Variants in SLC35F4 observed in about 807,000 individuals in gnomAD.
The protein encoded by SLC35F4 is chromosome 14 open reading frame 36.
A neutral mutation model predicts 44.2 loss-of-function variants in SLC35F4; 24 were observed. The ratio of observed to expected loss-of-function variants is 0.54; its 90% CI spans 0.39 to 0.76. The LOEUF (loss-of-function observed/expected upper bound fraction) is 0.76, where lower values mean the gene tolerates loss of function less well. Ranked by LOEUF, SLC35F4 falls within the 30% of genes least tolerant of loss-of-function variation. SLC35F4 has a pLI of 0.00. For missense variants in SLC35F4, 562 were observed against 586.1 expected (o/e 0.96, Z 0.42); for synonymous variants, 238 against 223.6 (o/e 1.06, Z -0.57).
intron 4 of SLC35F4, among the ~76,000 whole-genome samples, chr14:57,574,551 G>A (rs73303811): frequency 2.0e-5 from 3 of 152,108 alleles, no homozygotes; most frequent in African/African-American, 4.8e-5. Context: ...GGCAGGGTGC[G>A]GGTGGAGGGT....
intron 1 of SLC35F4, among the ~76,000 whole-genome samples, chr14:57,830,448 C>T (rs1290027006): frequency 6.6e-6 from 1 of 152,150 alleles, no homozygotes; most frequent in Non-Finnish European, 1.5e-5. Context: ...CTAAGAGTAA[C>T]TTAGAATATG....
chr14:57,575,393 A>C (rs1404769677), intron 4 of SLC35F4, among the ~76,000 whole-genome samples: 1 of 152,184 alleles, frequency 6.6e-6, no homozygotes, highest in African/African-American at 2.4e-5. Flanking sequence ...AGGCAGGAGA[A>C]TCTCTTGAAT....
chr14:57,708,334 C>A (rs1309129720), intron 1 of SLC35F4, among the ~76,000 whole-genome samples: 1 of 152,202 alleles, frequency 6.6e-6, no homozygotes, highest in African/African-American at 2.4e-5. Flanking sequence ...ACCAAATTAT[C>A]TTTAAAAACT....
intron 1 of SLC35F4, among the ~76,000 whole-genome samples, chr14:57,741,484 G>T (rs2076606587): frequency 6.6e-6 from 1 of 152,120 alleles, no homozygotes. Context: ...GGAAGAAAGG[G>T]TATCAGTGAT....
intron 1 of SLC35F4, among the ~76,000 whole-genome samples, chr14:57,612,446 G>A (rs531062585): frequency 3.2e-4 from 48 of 152,298 alleles, no homozygotes; most frequent in African/African-American, 1.1e-3. Flanking sequence ...TCAAGTCTCA[G>A]TTCAAGTGTC....
At chr14:57,811,927 A>G (rs1882013856) in intron 1 of SLC35F4, among the ~76,000 whole-genome samples, 1 of 152,188 alleles carries the variant, frequency 6.6e-6, no homozygotes, top group East Asian at 1.9e-4. Flanking sequence ...GGCTGCAGTG[A>G]GTTATGATCA....
At chr14:57,721,804 A>C (rs922008537) in intron 1 of SLC35F4, among the ~76,000 whole-genome samples, 1 of 152,128 alleles carries the variant, frequency 6.6e-6, no homozygotes, top group Non-Finnish European at 1.5e-5. Context: ...TAGTGGCAAC[A>C]TTGCCTCCCC....
intron 1 of SLC35F4, among the ~76,000 whole-genome samples, chr14:57,897,552 T>G (rs1888898689): frequency 1.3e-5 from 2 of 151,926 alleles, no homozygotes. Flanking sequence ...CACCCCAATG[T>G]GTGGCTCACA....
chr14:57,630,499 A>G lies in SLC35F4; in HGVS notation c.104-36375T>C, dbSNP rs987838978. 8.6e-6 allele frequency: 9 copies of G among 1,051,570 alleles called. No homozygotes were observed. In the African/African-American group the frequency reaches 1.0e-4, roughly 12 times the overall value. 65.1% of individuals were successfully genotyped at this position (1,051,570 alleles called of 1,614,324 possible). On this transcript the variant is annotated intron_variant, in intron 1 of 7. Transcript: ENST00000556826. Reference sequence around the variant, plus strand: ...AGGCTGAATCACATTCTAGGTCTGCATCTCACACCAAAACTAGAGGCACCT... The same window carrying G: ...AGGCTGAATCACATTCTAGGTCTGCGTCTCACACCAAAACTAGAGGCACCT...
chr14:57,594,179 GATTTT>G (rs1320798760), intron 1 of SLC35F4, 55 bp from the exon 2 acceptor site: 22 of 1,475,268 alleles, frequency 1.5e-5, no homozygotes, highest in African/African-American at 2.8e-5. Context: ...ATTGGAAGTA[GATTTT>G]ATTATTTATT....
intron 1 of SLC35F4, among the ~76,000 whole-genome samples, chr14:57,613,307 T>C (rs1241955629): frequency 1.3e-5 from 2 of 152,212 alleles, no homozygotes; most frequent in African/African-American, 4.8e-5. Flanking sequence ...TCTGACTCCA[T>C]CAGGGGTTTA....
intron 7 of SLC35F4, 136 bp downstream of exon 7, chr14:57,566,339 C>T (rs1441670498): frequency 2.7e-6 from 2 of 750,746 alleles, no homozygotes; most frequent in South Asian, 4.5e-5. Flanking sequence ...CTGCCACCTT[C>T]ATGATATTTA....
intron 1 of SLC35F4, among the ~76,000 whole-genome samples, chr14:57,658,275 T>C (rs868859614): frequency 2.6e-5 from 4 of 152,194 alleles, no homozygotes; most frequent in African/African-American, 4.8e-5. Flanking sequence ...TGATATAATA[T>C]GAAATATTTT....
intron 1 of SLC35F4, among the ~76,000 whole-genome samples, chr14:57,970,531 G>T (rs1208353463): frequency 6.6e-6 from 1 of 152,058 alleles, no homozygotes; most frequent in Non-Finnish European, 1.5e-5. Flanking sequence ...TATGAATGAA[G>T]TAGAACTCAT....
chr14:57,727,195 A>G (rs1441029899), intron 1 of SLC35F4, among the ~76,000 whole-genome samples: 1 of 151,654 alleles, frequency 6.6e-6, no homozygotes, highest in African/African-American at 2.4e-5. Context: ...TAATACATAG[A>G]CTTTCCAATT....
chr14:57,936,744 T>C (rs564461753), intron 1 of SLC35F4, among the ~76,000 whole-genome samples: 6 of 152,200 alleles, frequency 3.9e-5, no homozygotes, highest in Non-Finnish European at 8.8e-5. Flanking sequence ...TCTGGACTTG[T>C]GCTGTGGGAT....
chr14:57,932,358 G>A (rs1011413774), intron 1 of SLC35F4, among the ~76,000 whole-genome samples: 1 of 152,182 alleles, frequency 6.6e-6, no homozygotes, highest in Non-Finnish European at 1.5e-5. Context: ...TCTATAGATA[G>A]TGTGACCAAA....
At chr14:57,660,809 C>T (rs1183186060) in intron 1 of SLC35F4, among the ~76,000 whole-genome samples, 1 of 152,052 alleles carries the variant, frequency 6.6e-6, no homozygotes, top group Non-Finnish European at 1.5e-5. Flanking sequence ...TCTAGTCAAG[C>T]CTTCAAACAT....
downstream of SLC35F4, among the ~76,000 whole-genome samples, chr14:57,972,806 C>A (rs60913117): frequency 0.33 from 50,171 of 152,090 alleles, 8,554 homozygotes; most frequent in African/African-American, 0.43. Flanking sequence ...CATTCTCGTA[C>A]CTTCTGGATG....
Sources: allele counts gnomAD v4.1 joint callset (sites outside exome capture counted in the v4.1 genomes callset), GRCh38; gene constraint gnomAD v4.1.1; transcripts MANE v1.5; gene names NCBI Gene and HGNC (gene_info 2026-07-23, HGNC 2026-07-21).